Variants in MGAT5 observed in about 807,000 individuals in gnomAD.
MGAT5 encodes alpha-1,6-mannosylglycoprotein 6-beta-N-acetylglucosaminyltransferase A.
A neutral mutation model predicts 94.3 loss-of-function variants in MGAT5; 30 were observed. The ratio of observed to expected loss-of-function variants is 0.32; its 90% CI spans 0.24 to 0.43. MGAT5 has a LOEUF of 0.43. Ranked by LOEUF, MGAT5 falls within the 20% of genes least tolerant of loss-of-function variation. The pLI, the probability that MGAT5 is intolerant of heterozygous loss-of-function variation, is 1.00. For missense variants in MGAT5, 691 were observed against 905.5 expected (o/e 0.76, Z 3.04); for synonymous variants, 310 against 322.9 (o/e 0.96, Z 0.43).
chr2:134,377,683 TTA>T (rs1173610580), intron 10 of MGAT5, among the ~76,000 whole-genome samples: 2 of 152,184 alleles, frequency 1.3e-5, no homozygotes, highest in Non-Finnish European at 2.9e-5. Flanking sequence ...AGGAGATAGT[TTA>T]TGTCTTCCCA....
intron 9 of MGAT5, 87 bp from the exon 10 acceptor site, chr2:134,362,188 G>T: frequency 6.7e-7 from 1 of 1,482,302 alleles, no homozygotes; most frequent in Non-Finnish European, 9.2e-7. Flanking sequence ...TTTTGTTATG[G>T]GTAAGATGGC....
At chr2:134,218,552 G>A (rs1680606904) in intron 1 of MGAT5, among the ~76,000 whole-genome samples, 1 of 152,150 alleles carries the variant, frequency 6.6e-6, no homozygotes, top group Non-Finnish European at 1.5e-5. Context: ...GTCTAGGATG[G>A]GTTCCACGGG....
intron 2 of MGAT5, among the ~76,000 whole-genome samples, chr2:134,274,174 CTT>C (rs1447123094): frequency 6.6e-6 from 1 of 152,186 alleles, no homozygotes. Flanking sequence ...TCTGATATAT[CTT>C]TGTTCTGCCC....
At chr2:134,214,608 A>G (rs919082424) in intron 1 of MGAT5, among the ~76,000 whole-genome samples, 14 of 152,040 alleles carry the variant, frequency 9.2e-5, no homozygotes, top group African/African-American at 2.9e-4. Context: ...GCTCTTTGGA[A>G]GGGAACTAGG....
intron 1 of MGAT5, among the ~76,000 whole-genome samples, chr2:134,221,568 A>G (rs1470796257): frequency 2.6e-5 from 4 of 152,182 alleles, no homozygotes; most frequent in Admixed American, 6.5e-5. Flanking sequence ...AAGGAAGGAA[A>G]ACAAAGCGGA....
chr2:134,406,474 G>T (rs1021160873), intron 11 of MGAT5, among the ~76,000 whole-genome samples: 2 of 152,176 alleles, frequency 1.3e-5, no homozygotes, highest in African/African-American at 4.8e-5. Flanking sequence ...ACATGGGCAG[G>T]CCTGGCAAAT....
intron 1 of MGAT5, among the ~76,000 whole-genome samples, chr2:134,177,795 A>G (rs1307575895): frequency 6.6e-6 from 1 of 152,234 alleles, no homozygotes; most frequent in Non-Finnish European, 1.5e-5. Context: ...GCCGATGCTG[A>G]CAATGAGAGT....
intron 10 of MGAT5, among the ~76,000 whole-genome samples, chr2:134,397,314 G>A (rs933346690): frequency 2.0e-5 from 3 of 152,164 alleles, no homozygotes; most frequent in African/African-American, 7.2e-5. Context: ...AGAAGGAGTT[G>A]CAAATCCAGG....
chr2:134,400,190 T>A (rs943856494), intron 10 of MGAT5, among the ~76,000 whole-genome samples: 2 of 152,104 alleles, frequency 1.3e-5, no homozygotes, highest in Non-Finnish European at 2.9e-5. Context: ...GGGAGTTTGG[T>A]ATGAGAGGCT....
intron 1 of MGAT5, among the ~76,000 whole-genome samples, chr2:134,201,112 T>G (rs551607785): frequency 6.6e-6 from 1 of 152,070 alleles, no homozygotes; most frequent in South Asian, 2.1e-4. Flanking sequence ...ATACCTTTAT[T>G]AAGGATGCCC....
chr2:134,318,413 C>A (rs1402193315), intron 3 of MGAT5, among the ~76,000 whole-genome samples: 2 of 152,174 alleles, frequency 1.3e-5, no homozygotes, highest in Non-Finnish European at 2.9e-5. Flanking sequence ...ACCTTACTCT[C>A]CACTCTAAGC....
At chr2:134,414,770 A>AC (rs918508166) in intron 12 of MGAT5, among the ~76,000 whole-genome samples, 112 of 152,238 alleles carry the variant, frequency 7.4e-4, no homozygotes, top group African/African-American at 2.5e-3. Flanking sequence ...ATCCCCACGC[A>AC]CCAGTCTCTG....
chr2:134,136,308 T>C (rs926964385), intron 1 of MGAT5, among the ~76,000 whole-genome samples: 1 of 152,204 alleles, frequency 6.6e-6, no homozygotes, highest in Non-Finnish European at 1.5e-5. Flanking sequence ...GGCTCATGCC[T>C]GTAATACCAG....
chr2:134,384,027 G>A (rs990622140), intron 10 of MGAT5, among the ~76,000 whole-genome samples: 1 of 152,056 alleles, frequency 6.6e-6, no homozygotes. Context: ...AGAATCAAAA[G>A]AAGGGTATAT....
chr2:134,212,636 C>T (rs1284193067), intron 1 of MGAT5, among the ~76,000 whole-genome samples: 1 of 152,194 alleles, frequency 6.6e-6, no homozygotes, highest in African/African-American at 2.4e-5. Flanking sequence ...GCCTCTTGCC[C>T]AGCCTTGGGA....
intron 2 of MGAT5, among the ~76,000 whole-genome samples, chr2:134,309,140 A>C (rs1240309800): frequency 6.6e-6 from 1 of 152,208 alleles, no homozygotes; most frequent in African/African-American, 2.4e-5. Context: ...TCATCTGTGA[A>C]GCATGGATTA....
intron 1 of MGAT5, among the ~76,000 whole-genome samples, chr2:134,165,877 G>A (rs1687945557): frequency 6.6e-6 from 1 of 152,182 alleles, no homozygotes; most frequent in Admixed American, 6.5e-5. Context: ...GCAGATGTGT[G>A]TTAAGATGGG....
rs528583427 is a variant in MGAT5, at chr2:134,345,528, G to A, written c.1112+464G>A. Reference sequence around the variant, plus strand: ...GCACTTTTTAAGATAAGCCCATTAAGATTAGTATGTCTGTGGTACATGTGT... The same window carrying A: ...GCACTTTTTAAGATAAGCCCATTAAAATTAGTATGTCTGTGGTACATGTGT... On this transcript the variant is annotated intron_variant, in intron 8 of 15. Coordinates refer to ENST00000281923, the MANE Select transcript of MGAT5 (RefSeq NM_002410.5). Among the ~76,000 whole-genome samples the A allele has an allele frequency of 2.0e-5, 3 of 152,200 alleles. No individual in the cohort carries two copies. In the East Asian group the frequency reaches 5.8e-4, roughly 29 times the overall value.
intron 12 of MGAT5, among the ~76,000 whole-genome samples, chr2:134,413,521 C>CAGA (rs773204398): frequency 1.7e-4 from 26 of 152,182 alleles, no homozygotes; most frequent in Non-Finnish European, 3.5e-4. Flanking sequence ...GAACCATTTG[C>CAGA]AGAAGCCTCA....
Sources: allele counts gnomAD v4.1 joint callset (sites outside exome capture counted in the v4.1 genomes callset), GRCh38; gene constraint gnomAD v4.1.1; transcripts MANE v1.5; gene names NCBI Gene and HGNC (gene_info 2026-07-23, HGNC 2026-07-21).